TFF1: variants seen among roughly 807,000 people sequenced by gnomAD.
TFF1 encodes the protein trefoil factor 1, also known as breast cancer estrogen-inducible protein.
In TFF1, 8 loss-of-function variants were observed where a neutral mutation model predicts 7.7. The ratio of observed to expected loss-of-function variants is 1.04; its 90% confidence interval spans 0.61 to 1.87. TFF1 has a LOEUF of 1.87. Ranked by LOEUF, TFF1 falls within the 40% of genes most tolerant of loss-of-function variation. TFF1 has a pLI of 0.00. For synonymous variants in TFF1, 47 were observed against 44.8 expected (o/e 1.05, Z -0.19); for missense variants, 120 against 113.4 (o/e 1.06, Z -0.26).
chr21:42,362,874 A>T (rs1458967991), intron 2 of TFF1, among the ~76,000 whole-genome samples: 1 of 149,518 alleles, frequency 6.7e-6, no homozygotes, highest in Non-Finnish European at 1.5e-5. Flanking sequence ...ACTCCAGCTC[A>T]GGGGCAACGG....
chr21:42,363,194 C>T lies in TFF1; in HGVS notation c.238+61G>A, dbSNP rs889924846. ...TGATGCTGATCAGAGCCTCTGTAGT[C>T]TTAAATGACTTTTCTAACTAATTCT... On this transcript the variant is annotated intron_variant, in intron 2 of 2. Coordinates refer to ENST00000291527, the MANE Select transcript of TFF1 (RefSeq NM_003225.3). 20 of 1,608,806 alleles carry T rather than the reference C, an allele frequency of 1.2e-5. No homozygotes were observed. In the Admixed American group the frequency reaches 3.2e-4, roughly 26 times the overall value.
rs765545571 is a variant in TFF1, at chr21:42,363,253, A to T, written c.238+2T>A. The T allele has an allele frequency of 4.3e-6, 7 of 1,614,198 alleles. No individual in the cohort carries two copies. The Admixed American group carries it at 1.0e-4, about 23-fold the overall frequency. Reference sequence around the variant, plus strand: ...AGAACCCATCGTATAAAAAGGCCATACCTTCTGGAGGGACGTCGATGGTAT... The same window carrying T: ...AGAACCCATCGTATAAAAAGGCCATTCCTTCTGGAGGGACGTCGATGGTAT... On this transcript the variant is annotated splice_donor_variant, in intron 2 of 2. Transcript: ENST00000291527. LOFTEE classifies it high-confidence loss of function.
In TFF1 at chr21:42,363,331, C is replaced by T. The variant is rs200320781; in HGVS notation, c.162G>A (p.Lys54=). The part of the protein sequence containing the change: ...PGVTPSQCAN[K]GCCFDDTVRG... Reference sequence around the variant, plus strand: ...GAACGGTGTCGTCGAAACAGCAGCCCTTATTTGCACACTGGGAGGGCGTGA... The same window carrying T: ...GAACGGTGTCGTCGAAACAGCAGCCTTTATTTGCACACTGGGAGGGCGTGA... Residue 54 remains lysine (K), a synonymous_variant, in exon 2 of 3, where the codon AAG becomes AAA. Transcript: ENST00000291527. 1.2e-6 allele frequency: 2 copies of T among 1,614,170 alleles called. No individual in the cohort carries two copies. Among genetic ancestry groups the T allele is most frequent in the East Asian group, 2.2e-5 (1 of 44,880 alleles).
chr21:42,362,598 G>A, intron 2 of TFF1, 103 bp from the exon 3 acceptor site: 1 of 1,346,820 alleles, frequency 7.4e-7, no homozygotes, highest in Middle Eastern at 2.0e-4. Flanking sequence ...GTATCCATAG[G>A]CACATTCTTT....
chr21:42,366,336 T>G, intron 1 of TFF1, 75 bp downstream of exon 1: 6 of 1,184,190 alleles, frequency 5.1e-6, no homozygotes, highest in Non-Finnish European at 7.3e-6. Flanking sequence ...AAAATATGTA[T>G]GTAAAACAGT....
intron 1 of TFF1, among the ~76,000 whole-genome samples, chr21:42,364,160 T>C (rs2052260947): frequency 6.7e-6 from 1 of 149,668 alleles, no homozygotes; most frequent in Middle Eastern, 3.5e-3. Context: ...GGCAAGAACA[T>C]GTGCGAGACA....
chr21:42,363,188 T>C (rs1056709583), intron 2 of TFF1, 67 bp downstream of exon 2: 41 of 1,602,804 alleles, frequency 2.6e-5, no homozygotes, highest in Non-Finnish European at 3.5e-5. Flanking sequence ...TCAGAGCCTC[T>C]GTAGTCTTAA....
chr21:42,363,126 C>T, intron 2 of TFF1, 129 bp downstream of exon 2: 4 of 1,230,590 alleles, frequency 3.3e-6, no homozygotes, highest in Non-Finnish European at 4.6e-6. Context: ...TACCCCATTG[C>T]ACCACCACTG....
Position 42,362,355 on chromosome 21 carries a change from G to T in TFF1, c.*124C>A. 8.9e-7 allele frequency: 1 copy of T among 1,119,974 alleles called. No homozygotes were observed. Among genetic ancestry groups the T allele is most frequent in the Non-Finnish European group, 1.3e-6 (1 of 785,866 alleles). The allele number at this position is 1,119,974 out of a possible 1,614,324, so 69.4% of individuals were successfully genotyped here. A position where few individuals can be genotyped will look rare whatever the true frequency, so the allele number is the denominator to read the frequency against. ...TCAGAGCAGTCAATCTGTGTTGTGA[G>T]CCGAGGCACAGCTGCAGAAGCGTGT... On this transcript the variant is annotated 3_prime_UTR_variant, in exon 3 of 3. Transcript: ENST00000291527.
chr21:42,365,146 T>C (rs2052269618), intron 1 of TFF1, among the ~76,000 whole-genome samples: 1 of 152,126 alleles, frequency 6.6e-6, no homozygotes, highest in Non-Finnish European at 1.5e-5. Flanking sequence ...AGATTTCAGT[T>C]GTAACAGGAT....
At chr21:42,365,609 A>G (rs1443780400) in intron 1 of TFF1, among the ~76,000 whole-genome samples, 1 of 152,038 alleles carries the variant, frequency 6.6e-6, no homozygotes, top group Non-Finnish European at 1.5e-5. Context: ...TCCTGCCCCC[A>G]CCTTGAAACT....
chr21:42,363,238 G>A lies in TFF1; in HGVS notation c.238+17C>T, dbSNP rs374812770. On this transcript the variant is annotated intron_variant, in intron 2 of 2. Transcript: ENST00000291527. Reference sequence around the variant, plus strand: ...TAATTCTAAATCTTCAGAACCCATCGTATAAAAAGGCCATACCTTCTGGAG... The same window carrying A: ...TAATTCTAAATCTTCAGAACCCATCATATAAAAAGGCCATACCTTCTGGAG... 1.4e-5 allele frequency: 23 copies of A among 1,613,906 alleles called. No homozygotes were observed. The African/African-American group carries it at 2.1e-4, about 15-fold the overall frequency.
rs72561490 is a variant in TFF1, at chr21:42,362,504, G to T, written c.239-9C>A. Reference sequence around the variant, plus strand: ...CTAAAATTCACACTCCTCTACAGGGGTGAGGGGGAGGGAGAAAGAGATGCT... The same window carrying T: ...CTAAAATTCACACTCCTCTACAGGGTTGAGGGGGAGGGAGAAAGAGATGCT... On this transcript the variant is annotated splice_polypyrimidine_tract_variant and intron_variant, in intron 2 of 2. Coordinates refer to ENST00000291527, the MANE Select transcript of TFF1 (RefSeq NM_003225.3). 1.3e-6 allele frequency: 2 copies of T among 1,579,884 alleles called. No individual in the cohort carries two copies. Among genetic ancestry groups the T allele is most frequent in the South Asian group, 1.2e-5 (1 of 85,360 alleles).
chr21:42,363,197 A>C, intron 2 of TFF1, 58 bp downstream of exon 2: 1 of 1,609,638 alleles, frequency 6.2e-7, no homozygotes, highest in Non-Finnish European at 8.5e-7. Context: ...CTGTAGTCTT[A>C]AATGACTTTT....
In TFF1 at chr21:42,362,463, A is replaced by G; in HGVS notation, c.*16T>C. ...CGGCACCGCGTCAGGATGCAGGCAG[A>G]TCCCTGCAGAAGTGTCTAAAATTCA... On this transcript the variant is annotated 3_prime_UTR_variant, in exon 3 of 3. Transcript: ENST00000291527. The G allele has an allele frequency of 1.3e-6, 2 of 1,581,422 alleles. No homozygotes were observed. The highest frequency in any genetic ancestry group is 1.7e-6 in the Non-Finnish European group (2 of 1,164,036).
At chr21:42,365,677 G>T (rs760778936) in intron 1 of TFF1, among the ~76,000 whole-genome samples, 1 of 152,182 alleles carries the variant, frequency 6.6e-6, no homozygotes, top group African/African-American at 2.4e-5. Context: ...AGTGCAAGTC[G>T]CAGATGCTGC....
Position 42,363,295 on chromosome 21 carries a change from G to A in TFF1, c.198C>T (p.Pro66=), listed in dbSNP as rs879498579. Residue 66 remains proline (P), a synonymous_variant, in exon 2 of 3, where the codon CCC becomes CCT. Coordinates refer to ENST00000291527, the MANE Select transcript of TFF1 (RefSeq NM_003225.3). ...CGATGGTATTAGGATAGAAGCACCA[G>A]GGGACCCCACGAACGGTGTCGTCGA... The part of the protein sequence containing the change: ...CCFDDTVRGV[P]WCFYPNTIDV... 21 of 1,614,098 alleles carry A rather than the reference G, an allele frequency of 1.3e-5. No homozygotes were observed. Among genetic ancestry groups the A allele is most frequent in the Non-Finnish European group, 1.8e-5 (21 of 1,180,052 alleles).
rs767043277 is a variant in TFF1 at position 42,366,393 on chromosome 21, G to A, written c.85+18C>T. 3.8e-6 allele frequency: 6 copies of A among 1,594,346 alleles called. No individual in the cohort carries two copies. Among genetic ancestry groups the A allele is most frequent in the Non-Finnish European group, 5.1e-6 (6 of 1,165,880 alleles). On this transcript the variant is annotated intron_variant, in intron 1 of 2. Coordinates refer to ENST00000291527, the MANE Select transcript of TFF1 (RefSeq NM_003225.3). ...GAGCTGGCTGTGGCCCCACAGAGCA[G>A]GAAGAAGCACGCCTTACCTGTCTGG... is the stretch of plus-strand genomic sequence containing the variant.
At chr21:42,365,251 C>T (rs1001677327) in intron 1 of TFF1, among the ~76,000 whole-genome samples, 3 of 148,724 alleles carry the variant, frequency 2.0e-5, no homozygotes, top group African/African-American at 7.5e-5. Context: ...TGTGATCCCA[C>T]AGCACAGGGG....
Sources: gnomAD v4.1 joint callset for allele counts (sites outside exome capture counted in the v4.1 genomes callset) on GRCh38, gnomAD v4.1.1 for gene constraint, MANE v1.5 for transcripts, NCBI Gene and HGNC (gene_info 2026-07-23, HGNC 2026-07-21) for gene names.